The following SEMA3A variants were observed in gnomAD, a reference collection of about 807,000 sequenced individuals.
The protein encoded by SEMA3A is semaphorin-3A.
SEMA3A carries 29 observed loss-of-function variants against 97.9 expected under a neutral mutation model. The ratio of observed to expected loss-of-function variants is 0.30; its 90% CI spans 0.22 to 0.40. The LOEUF (loss-of-function observed/expected upper bound fraction) is 0.40. Ranked by LOEUF, SEMA3A falls within the 10% of genes least tolerant of loss-of-function variation. SEMA3A has a pLI of 1.00. For missense variants in SEMA3A, 763 were observed against 951.3 expected (o/e 0.80, Z 2.60); for synonymous variants, 321 against 323.7 (o/e 0.99, Z 0.09).
intron 12 of SEMA3A, 96 bp from the exon 13 acceptor site, chr7:83,985,573 G>C: frequency 1.1e-6 from 1 of 950,672 alleles, no homozygotes; most frequent in Non-Finnish European, 1.7e-6. Context: ...TTTTCAGAGA[G>C]AAACTTCAGT....
chr7:84,170,360 C>T (rs1797348711), intron 1 of SEMA3A, among the ~76,000 whole-genome samples: 1 of 151,970 alleles, frequency 6.6e-6, no homozygotes, highest in Non-Finnish European at 1.5e-5. Flanking sequence ...TCTCAAGGTG[C>T]TTGATTCCAC....
At chr7:84,187,536 T>A (rs1417675960) in intron 1 of SEMA3A, among the ~76,000 whole-genome samples, 1 of 152,102 alleles carries the variant, frequency 6.6e-6, no homozygotes, top group East Asian at 1.9e-4. Flanking sequence ...AGTTCTGGAA[T>A]AGGTGTGGTT....
intron 2 of SEMA3A, among the ~76,000 whole-genome samples, chr7:84,363,669 G>A (rs1370662871): frequency 6.6e-6 from 1 of 151,836 alleles, no homozygotes; most frequent in African/African-American, 2.4e-5. Flanking sequence ...AATTGTGATT[G>A]TAACTTTCAC....
At chr7:84,120,882 A>G (rs1795590242) in intron 3 of SEMA3A, among the ~76,000 whole-genome samples, 1 of 152,204 alleles carries the variant, frequency 6.6e-6, no homozygotes, top group Admixed American at 6.5e-5. Flanking sequence ...ACTCACAAAA[A>G]TAGTGCTAGC....
intron 1 of SEMA3A, among the ~76,000 whole-genome samples, chr7:84,378,833 T>C (rs1434913576): frequency 6.6e-6 from 1 of 152,172 alleles, no homozygotes; most frequent in Non-Finnish European, 1.5e-5. Flanking sequence ...TCTACATTTA[T>C]TATTTGTTTT....
At chr7:84,416,109 T>G (rs1804426393) in intron 1 of SEMA3A, among the ~76,000 whole-genome samples, 1 of 152,146 alleles carries the variant, frequency 6.6e-6, no homozygotes, top group African/African-American at 2.4e-5. Context: ...CTGATATGGT[T>G]TGGCTATGTC....
At chr7:83,972,050 TAC>T (rs1020760340) in intron 15 of SEMA3A, among the ~76,000 whole-genome samples, 8 of 151,640 alleles carry the variant, frequency 5.3e-5, no homozygotes, top group South Asian at 2.1e-4. Context: ...TGTATATATA[TAC>T]ACACACATAC....
At chr7:84,479,429 C>T (rs868637469) in intron 1 of SEMA3A, among the ~76,000 whole-genome samples, 21 of 152,282 alleles carry the variant, frequency 1.4e-4, no homozygotes, top group African/African-American at 5.1e-4. Flanking sequence ...TCAAGAAGTA[C>T]TTATTGAACA....
intron 4 of SEMA3A, among the ~76,000 whole-genome samples, chr7:84,065,883 C>G (rs899737953): frequency 6.6e-6 from 1 of 151,676 alleles, no homozygotes; most frequent in African/African-American, 2.4e-5. Context: ...CTATTCCAAT[C>G]AATAGAAAAA....
At chr7:84,369,844 T>TAATATAAATATA (rs537258610) in intron 2 of SEMA3A, among the ~76,000 whole-genome samples, 1,985 of 150,478 alleles carry the variant, frequency 0.013, 48 homozygotes, top group African/African-American at 0.045. Flanking sequence ...TGAAAATTAG[T>TAATATAAATATA]AATATAAATA....
chr7:84,207,575 G>A (rs549367395), intron 3 of SEMA3A, among the ~76,000 whole-genome samples: 15 of 152,310 alleles, frequency 9.8e-5, no homozygotes, highest in African/African-American at 3.4e-4. Context: ...CTTTTGGGAT[G>A]TGTGGAAGAG....
At chr7:84,454,205 T>G (rs901808226) in intron 1 of SEMA3A, among the ~76,000 whole-genome samples, 1 of 152,220 alleles carries the variant, frequency 6.6e-6, no homozygotes, top group African/African-American at 2.4e-5. Flanking sequence ...ATATTTTCTC[T>G]CTTTTGCCAT....
At chr7:84,300,240 A>T (rs1415412842) in intron 3 of SEMA3A, among the ~76,000 whole-genome samples, 2 of 152,034 alleles carry the variant, frequency 1.3e-5, no homozygotes. Flanking sequence ...AGAAGGAAGA[A>T]TATATATGCA....
chr7:83,971,281 A>G (rs1346837254), intron 15 of SEMA3A, among the ~76,000 whole-genome samples: 1 of 151,988 alleles, frequency 6.6e-6, no homozygotes, highest in African/African-American at 2.4e-5. Flanking sequence ...AAAAATACAA[A>G]ATTAGCTGGG....
intron 1 of SEMA3A, among the ~76,000 whole-genome samples, chr7:84,190,793 C>T (rs543504838): frequency 4.7e-5 from 7 of 149,034 alleles, no homozygotes; most frequent in Non-Finnish European, 8.9e-5. Context: ...CAACAATTTA[C>T]GAAGAATTGT....
At chr7:84,095,548 C>CTT (rs895220022) in intron 4 of SEMA3A, among the ~76,000 whole-genome samples, 1 of 145,708 alleles carries the variant, frequency 6.9e-6, no homozygotes, top group African/African-American at 2.5e-5. Context: ...TGCATTTTAT[C>CTT]TTTTTTTTTT....
chr7:84,191,558 A>G (rs1798039233), intron 1 of SEMA3A, among the ~76,000 whole-genome samples: 1 of 151,856 alleles, frequency 6.6e-6, no homozygotes, highest in South Asian at 2.1e-4. Flanking sequence ...CAAATGGAAG[A>G]TTATATGATT....
intron 1 of SEMA3A, among the ~76,000 whole-genome samples, chr7:84,449,138 C>T (rs891847048): frequency 7.2e-5 from 11 of 152,092 alleles, no homozygotes; most frequent in Admixed American, 2.6e-4. Context: ...ACAAAAATTA[C>T]TTTAAAATGG....
intron 1 of SEMA3A, among the ~76,000 whole-genome samples, chr7:84,419,365 T>C (rs1316841536): frequency 6.6e-6 from 1 of 152,160 alleles, no homozygotes; most frequent in African/African-American, 2.4e-5. Flanking sequence ...GATACAGCTA[T>C]GTATTGTTAT....
Sources: allele counts gnomAD v4.1 joint callset (sites outside exome capture counted in the v4.1 genomes callset), GRCh38; gene constraint gnomAD v4.1.1; transcripts MANE v1.5; gene names NCBI Gene and HGNC (gene_info 2026-07-23, HGNC 2026-07-21).